Variants in MED16 observed in about 807,000 individuals in gnomAD.
MED16 encodes the protein mediator of RNA polymerase II transcription subunit 16.
In MED16, 81 loss-of-function variants were observed where a neutral mutation model predicts 84.4. The ratio of observed to expected loss-of-function variants is 0.96; its 90% CI spans 0.80 to 1.15. The LOEUF (loss-of-function observed/expected upper bound fraction) is 1.15, where lower values mean the gene tolerates loss of function less well. Among genes scored for constraint, MED16 ranks in the 50% most tolerant of loss-of-function variants. The pLI, the probability that MED16 is intolerant of heterozygous loss-of-function variation, is 0.00. For synonymous variants in MED16, 897 were observed against 552.2 expected, an observed-to-expected ratio of 1.62 and a Z score of -8.76; for missense variants, 1,585 against 1,245.9, an observed-to-expected ratio of 1.27 and a Z score of -4.10.
At chr19:888,762 T>C (rs902960670) in intron 4 of MED16, among the ~76,000 whole-genome samples, 19 of 152,276 alleles carry the variant, frequency 1.2e-4, no homozygotes, top group Non-Finnish European at 1.2e-4. Context: ...AAGCCGGTGC[T>C]GCGTGTACTG....
intron 13 of MED16, among the ~76,000 whole-genome samples, chr19:869,506 C>CG (rs2035996692): frequency 6.6e-6 from 1 of 152,186 alleles, no homozygotes; most frequent in South Asian, 2.1e-4. Context: ...AAGCCTCTGA[C>CG]GTAACCGTCC....
Position 886,054 on chromosome 19 carries a change from C to T in MED16, c.595G>A (p.Val199Met), listed in dbSNP as rs775249822. The T allele has an allele frequency of 1.9e-5, 31 of 1,596,362 alleles. No homozygotes were observed. Among genetic ancestry groups the T allele is most frequent in the Non-Finnish European group, 2.3e-5 (27 of 1,175,392 alleles). The change falls in exon 5 of 16, where the codon GTG becomes ATG. Residue 199 changes from valine to methionine, a missense_variant. Physicochemically the swap from Val to Met is conservative, Grantham distance 21. Coordinates refer to ENST00000325464, the MANE Select transcript of MED16 (RefSeq NM_005481.3). ...CACAGGCTCTCGGTGGACGTCAGCA[C>T]CTGCCCGCTGGGCTTCAGCAGGGAC... Reference protein sequence around the residue: ...TVSLLKPSGQVLTSTESLCRL... With the variant: ...TVSLLKPSGQMLTSTESLCRL...
intron 13 of MED16, among the ~76,000 whole-genome samples, chr19:870,016 C>T (rs2036007439): frequency 6.6e-6 from 1 of 152,198 alleles, no homozygotes; most frequent in South Asian, 2.1e-4. Flanking sequence ...GTCAGCTCAG[C>T]ACACTTGGGT....
chr19:871,254 C>T lies in MED16; in HGVS notation c.2099-1G>A, dbSNP rs1212906410. The T allele has an allele frequency of 1.3e-6, 2 of 1,533,604 alleles. No homozygotes were observed. Among genetic ancestry groups the T allele is most frequent in the African/African-American group, 1.4e-5 (1 of 72,996 alleles). The allele number at this position is 1,533,604 out of a possible 1,614,324, so 95.0% of individuals were successfully genotyped here. A position where few individuals can be genotyped will look rare whatever the true frequency, so the allele number is the denominator to read the frequency against. On this transcript the variant is annotated splice_acceptor_variant, in intron 12 of 15. Transcript: ENST00000325464. LOFTEE classifies it high-confidence loss of function. Reference sequence around the variant, plus strand: ...TCGCTCGCTGGGCCCTCATCGCGACCTGCGGAGAGAGGTGGCGGAAGTCTC... The same window carrying T: ...TCGCTCGCTGGGCCCTCATCGCGACTTGCGGAGAGAGGTGGCGGAAGTCTC...
chr19:892,019 T>G (rs1311615773), intron 1 of MED16, among the ~76,000 whole-genome samples: 1 of 141,892 alleles, frequency 7.0e-6, no homozygotes, highest in Non-Finnish European at 1.5e-5. Flanking sequence ...GGAACACCTG[T>G]GGCCGAGGCG....
At position 888,073 on chromosome 19, in the gene MED16, G is replaced by A. The variant is rs142974827; in HGVS notation, c.447+1565C>T. ...CAAAAAAGCAGCCGGGCGTGGTGGC[G>A]GGCGCCTGTAATCCCAGCTATTCAG... is the stretch of plus-strand genomic sequence containing the variant. On this transcript the variant is annotated intron_variant, in intron 4 of 15. Coordinates refer to ENST00000325464, the MANE Select transcript of MED16 (RefSeq NM_005481.3). 9.3e-3 allele frequency among the ~76,000 whole-genome samples: 1,420 copies of A among 151,976 alleles called. 10 individuals carry two copies. Among genetic ancestry groups the A allele is most frequent in the Non-Finnish European group, 0.013 (908 of 67,966 alleles).
chr19:876,911 G>GGGGCCCCACCTGCCACA (rs1568324627), intron 9 of MED16, 63 bp downstream of exon 9: 3 of 1,296,554 alleles, frequency 2.3e-6, no homozygotes, highest in Non-Finnish European at 3.1e-6. Flanking sequence ...CACCTGCCAC[G>GGGGCCCCACCTGCCACA]GGGCCCCCAC....
rs1248374090 is a variant in MED16, at chr19:877,079, G to C, written c.1455C>G (p.Gly485=). The C allele has an allele frequency of 6.2e-7, 1 of 1,612,710 alleles. No individual in the cohort carries two copies. Among genetic ancestry groups the C allele is most frequent in the Non-Finnish European group, 8.5e-7 (1 of 1,179,902 alleles). Residue 485 remains glycine, a synonymous_variant, in exon 9 of 16, where the codon GGC becomes GGG. Transcript: ENST00000325464. ...GCAGCAGGATGTCCCACCAGTCGTA[G>C]CCGGTCACCATGCAGTACTCCAGCA... is the stretch of plus-strand genomic sequence containing the variant. ...LFLLEYCMVT[G]YDWWDILLHV...
intron 8 of MED16, among the ~76,000 whole-genome samples, chr19:877,510 G>A (rs1815997734): frequency 7.0e-6 from 1 of 143,004 alleles, no homozygotes; most frequent in South Asian, 2.1e-4. Flanking sequence ...CCTAATACGT[G>A]CTGTGAGCCA....
intron 6 of MED16, among the ~76,000 whole-genome samples, chr19:882,995 A>G (rs1041309877): frequency 3.3e-5 from 5 of 152,196 alleles, no homozygotes; most frequent in African/African-American, 4.8e-5. Context: ...TGAGCCTCTC[A>G]TAGGAAAGAC....
At chr19:887,401 C>G (rs1292453697) in intron 4 of MED16, among the ~76,000 whole-genome samples, 1 of 152,026 alleles carries the variant, frequency 6.6e-6, no homozygotes, top group Non-Finnish European at 1.5e-5. Flanking sequence ...GACGCGGTGG[C>G]TCACGCCTGT....
At chr19:876,765 G>A (rs1312496964) in intron 9 of MED16, among the ~76,000 whole-genome samples, 1 of 152,086 alleles carries the variant, frequency 6.6e-6, no homozygotes, top group Non-Finnish European at 1.5e-5. Flanking sequence ...CTGCTGCAGA[G>A]ACCTCCTCCA....
intron 1 of MED16, among the ~76,000 whole-genome samples, chr19:891,407 G>T (rs971406264): frequency 6.6e-6 from 1 of 152,218 alleles, no homozygotes; most frequent in Non-Finnish European, 1.5e-5. Flanking sequence ...GTTTCACCAG[G>T]ACCCCTCTGG....
intron 8 of MED16, among the ~76,000 whole-genome samples, chr19:878,034 AGCCCC>A (rs2036301556): frequency 1.1e-5 from 1 of 92,976 alleles, no homozygotes; most frequent in Non-Finnish European, 2.1e-5. Context: ...CCCCAGCCCC[AGCCCC>A]ACGTGCCCCA....
At chr19:888,524 CA>C (rs34583289) in intron 4 of MED16, among the ~76,000 whole-genome samples, 44,593 of 96,986 alleles carry the variant, frequency 0.46, 6,829 homozygotes, top group East Asian at 0.6. Context: ...ACTCTGTCTC[CA>C]AAAAAAAAAA....
chr19:880,224 C>A, intron 7 of MED16, 76 bp from the exon 8 acceptor site: 1 of 1,410,434 alleles, frequency 7.1e-7, no homozygotes, highest in Non-Finnish European at 9.4e-7. Context: ...TCCTGCTCTG[C>A]AGGGTGTGGA....
rs1424491141 is a variant in MED16 at position 891,118 on chromosome 19, C to G, written c.14G>C (p.Arg5Pro). ...CATCATCCCACCTGCCGCTGGCCGC[C>G]GCAAATCACACATGAGGGCAGTCAC... MCDLRRPAAGGMMDL... is the reference protein window; with the variant it reads MCDLPRPAAGGMMDL... Residue 5 changes from arginine (R) to proline (P), a missense_variant, in exon 2 of 16, where the codon CGG becomes CCG. Coordinates refer to ENST00000325464, the MANE Select transcript of MED16 (RefSeq NM_005481.3). 8.7e-6 allele frequency: 14 copies of G among 1,613,064 alleles called. No individual in the cohort carries two copies. In the Admixed American group the frequency reaches 2.3e-4, roughly 27 times the overall value.
At chr19:871,619 C>T (rs746707043) in intron 12 of MED16, 7 of 1,595,326 alleles carry the variant, frequency 4.4e-6, no homozygotes, top group South Asian at 1.1e-5. Context: ...GAAGTGGCTG[C>T]CATCCCAAAA....
rs746442060 is a variant in MED16, at chr19:868,130, C to T, written c.2605G>A (p.Asp869Asn). 1.2e-6 allele frequency: 2 copies of T among 1,611,634 alleles called. No individual in the cohort carries two copies. The highest frequency in any genetic ancestry group is 1.7e-6 in the Non-Finnish European group (2 of 1,179,564). Reference sequence around the variant, plus strand: ...GGACGGTCCTCTGGATGCAGATGGTCCAGGGATCTGGGGGTCCTGGGAGAG... The same window carrying T: ...GGACGGTCCTCTGGATGCAGATGGTTCAGGGATCTGGGGGTCCTGGGAGAG... The part of the protein sequence containing the change: ...HHSPRTPRSL[D>N]HLHPEDRP Residue 869 changes from aspartate to asparagine, a missense_variant, in exon 16 of 16, where the codon GAC (aspartate) becomes AAC (asparagine). By Grantham distance (23) the Asp-to-Asn change is conservative (BLOSUM62 1). Coordinates refer to ENST00000325464, the MANE Select transcript of MED16 (RefSeq NM_005481.3).
Sources: allele counts gnomAD v4.1 joint callset (sites outside exome capture counted in the v4.1 genomes callset), GRCh38; gene constraint gnomAD v4.1.1; transcripts MANE v1.5; gene names NCBI Gene and HGNC (gene_info 2026-07-23, HGNC 2026-07-21).